ZMAT5: variants seen among roughly 807,000 people sequenced by gnomAD.
ZMAT5 encodes the protein zinc finger matrin-type protein 5.
A neutral mutation model predicts 28.0 loss-of-function variants in ZMAT5; 23 were observed. The ratio of observed to expected loss-of-function variants is 0.82; its 90% CI spans 0.59 to 1.16. ZMAT5 has a LOEUF of 1.16. Among genes scored for constraint, ZMAT5 ranks in the 50% most tolerant of loss-of-function variants. The pLI, the probability that ZMAT5 is intolerant of heterozygous loss-of-function variation, is 0.00. For synonymous variants in ZMAT5, 76 were observed against 84.1 expected (o/e 0.90, Z 0.52); for missense variants, 173 against 212.7 (o/e 0.81, Z 1.16).
rs201945154 is a variant in ZMAT5 at position 29,748,514 on chromosome 22, C to T, written c.31G>A (p.Asp11Asn). Reference protein sequence around the residue: MGKRYFCDYCDRSFQDNLHNR... With the variant: MGKRYFCDYCNRSFQDNLHNR... ...TGGAGGTTGTCCTGGAAGGAGCGGT[C>T]GCAGTAGTCACAGAAGTATCGCTTC... Residue 11 changes from aspartate to asparagine, a missense_variant, in exon 2 of 6, where the codon GAC becomes AAC. By Grantham distance (23) the Asp-to-Asn change is conservative. Transcript: ENST00000344318. The T allele has an allele frequency of 1.4e-5, 23 of 1,614,086 alleles. No homozygotes were observed. The highest frequency in any genetic ancestry group is 1.2e-4 in the African/African-American group (9 of 74,928).
In ZMAT5 at chr22:29,731,068, G is replaced by A. The variant is rs779873674; in HGVS notation, c.*157C>T. 9.7e-6 allele frequency: 7 copies of A among 724,696 alleles called. No homozygotes were observed. Among genetic ancestry groups the A allele is most frequent in the Non-Finnish European group, 1.4e-5 (7 of 483,378 alleles). The allele number at this position is 724,696 out of a possible 1,614,324, so 44.9% of individuals were successfully genotyped here. A position where few individuals can be genotyped will look rare whatever the true frequency, so the allele number is the denominator to read the frequency against. On this transcript the variant is annotated 3_prime_UTR_variant, in exon 6 of 6. Transcript: ENST00000344318. ...GGAGAGCTGCCCGGTGCAGACCCAG[G>A]ACGAGGGCTGCACTTGGTGTGGCCG...
At chr22:29,741,738 C>A (rs1601719222) in intron 3 of ZMAT5, among the ~76,000 whole-genome samples, 1 of 152,258 alleles carries the variant, frequency 6.6e-6, no homozygotes, top group Admixed American at 6.5e-5. Context: ...CAGCCTTGAA[C>A]TCCTGGGCTC....
intron 1 of ZMAT5, among the ~76,000 whole-genome samples, chr22:29,764,182 C>T (rs77363736): frequency 0.015 from 2,247 of 152,288 alleles, 47 homozygotes; most frequent in African/African-American, 0.049. Flanking sequence ...ACAAGCCACA[C>T]CTTTAACTCC....
intron 1 of ZMAT5, among the ~76,000 whole-genome samples, chr22:29,764,659 C>G (rs560289532): frequency 6.6e-6 from 1 of 152,118 alleles, no homozygotes; most frequent in Non-Finnish European, 1.5e-5. Flanking sequence ...TACCACCACA[C>G]CTGGCTAATT....
intron 3 of ZMAT5, among the ~76,000 whole-genome samples, chr22:29,741,812 G>A (rs2067965439): frequency 6.6e-6 from 1 of 152,076 alleles, no homozygotes; most frequent in Non-Finnish European, 1.5e-5. Flanking sequence ...ACCATGCCCA[G>A]CTAATTAAAA....
At chr22:29,751,415 T>C (rs185639561) in intron 1 of ZMAT5, among the ~76,000 whole-genome samples, 3 of 152,346 alleles carry the variant, frequency 2.0e-5, no homozygotes, top group Non-Finnish European at 4.4e-5. Context: ...TGATAATACC[T>C]GGCATTAAGC....
chr22:29,732,113 C>T (rs972149278), intron 5 of ZMAT5, among the ~76,000 whole-genome samples: 1 of 152,204 alleles, frequency 6.6e-6, no homozygotes, highest in African/African-American at 2.4e-5. Flanking sequence ...CAGCGATGGC[C>T]CCCCAACCAT....
At position 29,738,377 on chromosome 22, in the gene ZMAT5, G is replaced by A. The variant is rs201968298; in HGVS notation, c.336C>T (p.Asp112=). 2 of 1,610,652 alleles carry A rather than the reference G, an allele frequency of 1.2e-6. No individual in the cohort carries two copies. The highest frequency in any genetic ancestry group is 1.7e-6 in the Non-Finnish European group (2 of 1,179,748). The change falls in exon 5 of 6, where the codon GAC becomes GAT. Residue 112 remains aspartate, a synonymous_variant. Transcript: ENST00000344318. ...GCCGCTTGGCTCTCTTCTCCAGCCA[G>A]TCCTCCAGATGGCCCTCGGGGAGCT... The part of the protein sequence containing the change: ...APELPEGHLE[D]WLEKRAKRLS...
At chr22:29,743,266 G>C (rs189927003) in intron 2 of ZMAT5, among the ~76,000 whole-genome samples, 3 of 152,270 alleles carry the variant, frequency 2.0e-5, no homozygotes, top group African/African-American at 7.2e-5. Context: ...CTGCTCCACA[G>C]GCAAGACTGC....
At chr22:29,761,930 C>T (rs2068161324) in intron 1 of ZMAT5, among the ~76,000 whole-genome samples, 1 of 152,114 alleles carries the variant, frequency 6.6e-6, no homozygotes, top group African/African-American at 2.4e-5. Context: ...GTCAGAAATA[C>T]AGCCTGTTTT....
In ZMAT5 at chr22:29,748,836, G is replaced by A. The variant is rs192125207; in HGVS notation, c.-27-265C>T. On this transcript the variant is annotated intron_variant, in intron 1 of 5. Transcript: ENST00000344318. ...GCCTGGGCACTGTTTTTTCTTGAGA[G>A]GGTGTTGCTCTGTCACCCAGGCTGG... 6.2e-4 allele frequency among the ~76,000 whole-genome samples: 95 copies of A among 152,342 alleles called. 1 individual carries two copies. Among genetic ancestry groups the A allele is most frequent in the Admixed American group, 6.0e-3 (92 of 15,312 alleles).
Position 29,731,356 on chromosome 22 carries a change from T to C in ZMAT5, c.384-2A>G, listed in dbSNP as rs1569332706. ...ACAGTGGTTCTGATGGGTTCAGCCCTAGAGAGAGAGAGAGAAGCGGGGAGA... is the reference window on the plus strand; with the variant it reads ...ACAGTGGTTCTGATGGGTTCAGCCCCAGAGAGAGAGAGAGAAGCGGGGAGA... On this transcript the variant is annotated splice_acceptor_variant, in intron 5 of 5. Transcript: ENST00000344318. LOFTEE classifies it high-confidence loss of function. 2.0e-6 allele frequency: 3 copies of C among 1,480,682 alleles called. No individual in the cohort carries two copies. The highest frequency in any genetic ancestry group is 1.5e-5 in the African/African-American group (1 of 68,470). 91.7% of individuals were successfully genotyped at this position (1,480,682 alleles called of 1,614,324 possible).
chr22:29,731,259 C>A lies in ZMAT5; in HGVS notation c.479G>T (p.Gly160Val), dbSNP rs533075080. ...PPSLRAPPPG[G>V]WPLQPRVQWG ...CTGGACTCTGGGCTGCAGAGGCCAC[C>A]CCCCAGGTGGGGGTGCCCGCAGGGA... Residue 160 changes from glycine (G) to valine (V), a missense_variant, in exon 6 of 6, where the codon GGG becomes GTG. Gly to Val is a moderately radical substitution (Grantham distance 109). Transcript: ENST00000344318. The A allele has an allele frequency of 2.0e-6, 3 of 1,515,946 alleles. No individual in the cohort carries two copies. The highest frequency in any genetic ancestry group is 2.9e-5 in the African/African-American group (2 of 68,262). The allele number at this position is 1,515,946 out of a possible 1,614,324, so 93.9% of individuals were successfully genotyped here.
At chr22:29,756,506 T>C (rs2068102601) in intron 1 of ZMAT5, among the ~76,000 whole-genome samples, 1 of 152,146 alleles carries the variant, frequency 6.6e-6, no homozygotes, top group South Asian at 2.1e-4. Flanking sequence ...ACATCATCTT[T>C]TTCCCACAGG....
chr22:29,733,793 T>C (rs995751662), intron 5 of ZMAT5, among the ~76,000 whole-genome samples: 2 of 152,042 alleles, frequency 1.3e-5, no homozygotes, highest in African/African-American at 4.8e-5. Context: ...ACCTCCTGGG[T>C]CCAAGTCTCA....
intron 1 of ZMAT5, among the ~76,000 whole-genome samples, chr22:29,765,344 G>A (rs2068197165): frequency 6.6e-6 from 1 of 152,008 alleles, no homozygotes; most frequent in African/African-American, 2.4e-5. Flanking sequence ...GCTTGAACAT[G>A]GGTGGCAGAG....
Sources: allele counts gnomAD v4.1 joint callset (sites outside exome capture counted in the v4.1 genomes callset), GRCh38; gene constraint gnomAD v4.1.1; transcripts MANE v1.5; gene names NCBI Gene and HGNC (gene_info 2026-07-23, HGNC 2026-07-21).